KLHL11: variants seen among roughly 807,000 people sequenced by gnomAD.
The protein encoded by KLHL11 is kelch-like protein 11.
In KLHL11, 26 loss-of-function variants were observed where a neutral mutation model predicts 56.1. That is an observed-to-expected ratio of 0.46 (90% CI 0.34 to 0.64). The LOEUF is 0.64. KLHL11 is among the 30% of genes least tolerant of loss of function. The pLI, the probability that KLHL11 is intolerant of heterozygous loss-of-function variation, is 0.01. For missense variants in KLHL11, 627 were observed against 919.4 expected, an observed-to-expected ratio of 0.68 and a Z score of 4.11; for synonymous variants, 338 against 345.8, an observed-to-expected ratio of 0.98 and a Z score of 0.25.
At chr17:41,859,609 C>T (rs941991694) in intron 1 of KLHL11, among the ~76,000 whole-genome samples, 31 of 151,806 alleles carry the variant, frequency 2.0e-4, no homozygotes, top group African/African-American at 6.5e-4. Flanking sequence ...ATTAGCTGGG[C>T]GTGGTGGCGT....
In KLHL11 at chr17:41,865,377, G is replaced by T. The variant is rs1226528409; in HGVS notation, c.-7C>A. 32 of 1,396,252 alleles carry T rather than the reference G, an allele frequency of 2.3e-5. No individual in the cohort carries two copies. Among genetic ancestry groups the T allele is most frequent in the Non-Finnish European group, 3.0e-5 (32 of 1,074,592 alleles). The allele number at this position is 1,396,252 out of a possible 1,614,324, so 86.5% of individuals were successfully genotyped here. A position where few individuals can be genotyped will look rare whatever the true frequency, so the allele number is the denominator to read the frequency against. On this transcript the variant is annotated 5_prime_UTR_variant, in exon 1 of 2. Coordinates refer to ENST00000319121, the MANE Select transcript of KLHL11 (RefSeq NM_018143.3). ...CCACTGCCGCAGCCGCCATCTTGAC[G>T]CCGCTGCGCCCGGCCTCCACAGCCT...
rs782455659 is a variant in KLHL11, at chr17:41,865,217, G to A, written c.154C>T (p.Pro52Ser). 8 of 1,603,182 alleles carry A rather than the reference G, an allele frequency of 5.0e-6. No homozygotes were observed. The highest frequency in any genetic ancestry group is 6.8e-6 in the Non-Finnish European group (8 of 1,176,526). The part of the protein sequence containing the change: ...GSGTVDFGPG[P>S]GISAMEASGG... ...CTCGCCTCCATTGCAGAGATCCCCGGCCCAGGCCCGAAGTCCACCGTGCCG... is the reference window on the plus strand; with the variant it reads ...CTCGCCTCCATTGCAGAGATCCCCGACCCAGGCCCGAAGTCCACCGTGCCG... Residue 52 changes from proline (P) to serine (S), a missense_variant, in exon 1 of 2, where the codon CCG becomes TCG. Physicochemically the swap from Pro to Ser is moderately conservative, Grantham distance 74. This residue lies in a region of KLHL11 where 121 missense variants were observed against 116.2 expected (regional missense o/e 1.04). Coordinates refer to ENST00000319121, the MANE Select transcript of KLHL11 (RefSeq NM_018143.3).
At position 41,865,057 on chromosome 17, in the gene KLHL11, C is replaced by T. The variant is rs782802713; in HGVS notation, c.314G>A (p.Gly105Asp). Residue 105 changes from glycine to aspartate, a missense_variant, in exon 1 of 2, where the codon GGC becomes GAC. Physicochemically the swap from Gly to Asp is moderately conservative, Grantham distance 94. Coordinates refer to ENST00000319121, the MANE Select transcript of KLHL11 (RefSeq NM_018143.3). The part of the protein sequence containing the change: ...DITLCFGGAG[G>D]REFRAHRSVL... ...CGAGCGGTGGGCCCGGAACTCGCGGCCTCCAGCCCCGCCGAAGCACAGGGT... is the reference window on the plus strand; with the variant it reads ...CGAGCGGTGGGCCCGGAACTCGCGGTCTCCAGCCCCGCCGAAGCACAGGGT... 5 of 1,589,792 alleles carry T rather than the reference C, an allele frequency of 3.1e-6. No individual in the cohort carries two copies. In the Admixed American group the frequency reaches 8.7e-5, roughly 28 times the overall value.
chr17:41,853,965 A>T lies in KLHL11; in HGVS notation c.1902T>A (p.Tyr634Ter). 1 of 1,614,158 alleles carries T rather than the reference A, an allele frequency of 6.2e-7. No homozygotes were observed. The highest frequency in any genetic ancestry group is 8.5e-7 in the Non-Finnish European group (1 of 1,179,998). ...DKQYRKEAYRYCAERKRWMLL... is the reference protein window; with the variant it reads ...DKQYRKEAYR Reference sequence around the variant, plus strand: ...GCATCCACCTCTTCCTCTCCGCACAATATCGGTAGGCTTCTTTCCGATACT... The same window carrying T: ...GCATCCACCTCTTCCTCTCCGCACATTATCGGTAGGCTTCTTTCCGATACT... The change falls in exon 2 of 2, where the codon TAT becomes TAA. Residue 634 changes from tyrosine (Y) to a stop codon, truncating the protein, a stop_gained. Transcript: ENST00000319121. LOFTEE classifies it high-confidence loss of function.
Position 41,865,175 on chromosome 17 carries a change from G to A in KLHL11, c.196C>T (p.Pro66Ser). The change falls in exon 1 of 2, where the codon CCA (proline) becomes TCA (serine). Residue 66 changes from proline (P) to serine (S), a missense_variant. By Grantham distance (74) the Pro-to-Ser change is moderately conservative (BLOSUM62 -1). This residue lies in a region of KLHL11 where 121 missense variants were observed against 116.2 expected (regional missense o/e 1.04). Coordinates refer to ENST00000319121, the MANE Select transcript of KLHL11 (RefSeq NM_018143.3). ...CTGCACTCGAAATCCTCGGCTTCTG[G>A]GCCCGGATCGCCCCCGCTCGCCTCC... ...AMEASGGDPG[P>S]EAEDFECSSH... 1 of 1,610,192 alleles carries A rather than the reference G, an allele frequency of 6.2e-7. No individual in the cohort carries two copies. The highest frequency in any genetic ancestry group is 8.5e-7 in the Non-Finnish European group (1 of 1,178,998).
Position 41,849,611 on chromosome 17 carries a change from A to T in KLHL11, c.*4129T>A, listed in dbSNP as rs1555621873. On this transcript the variant is annotated 3_prime_UTR_variant, in exon 2 of 2. Coordinates refer to ENST00000319121, the MANE Select transcript of KLHL11 (RefSeq NM_018143.3). ...TAAATTTTTTGGTCCCAGAAATACT[A>T]TATAAAACCGGGTGATCAAAACAAA... The T allele has an allele frequency of 6.6e-6, 1 of 152,218 alleles. No individual in the cohort carries two copies. The highest frequency in any genetic ancestry group is 2.4e-5 in the African/African-American group (1 of 41,464). 9.4% of individuals were successfully genotyped at this position (152,218 alleles called of 1,614,324 possible). A position where few individuals can be genotyped will look rare whatever the true frequency, so the allele number is the denominator to read the frequency against.
intron 1 of KLHL11, among the ~76,000 whole-genome samples, chr17:41,862,269 GTATT>G (rs1173144639): frequency 7.0e-6 from 1 of 143,054 alleles, no homozygotes; most frequent in Non-Finnish European, 1.5e-5. Context: ...TTGTATTTTT[GTATT>G]TATTTATTTT....
At position 41,848,788 on chromosome 17, in the gene KLHL11, G is replaced by A. The variant is rs531452271; in HGVS notation, c.*4952C>T. The A allele has an allele frequency of 4.1e-4, 65 of 157,964 alleles. No individual in the cohort carries two copies. The highest frequency in any genetic ancestry group is 1.7e-4 in the Non-Finnish European group (12 of 71,094). The allele number at this position is 157,964 out of a possible 1,614,324, so 9.8% of individuals were successfully genotyped here. On this transcript the variant is annotated 3_prime_UTR_variant, in exon 2 of 2. Transcript: ENST00000319121. The stretch of plus-strand genomic sequence containing the variant: ...AATAACTCAACGAGCCCAAGCACAC[G>A]GATCATAAAATCTTCAAACACCTAG...
At position 41,864,858 on chromosome 17, in the gene KLHL11, G is replaced by A. The variant is rs1555623375; in HGVS notation, c.513C>T (p.Gly171=). ...MYTGRIRVST[G]SVHEVLELAD... ...CCAACTCCAGCACCTCGTGCACGCT[G>A]CCCGTGCTGACGCGGATGCGCCCGG... is the stretch of plus-strand genomic sequence containing the variant. Residue 171 remains glycine (G), a synonymous_variant, in exon 1 of 2, where the codon GGC becomes GGT. Transcript: ENST00000319121. 1.9e-6 allele frequency: 3 copies of A among 1,560,132 alleles called. No individual in the cohort carries two copies. Among genetic ancestry groups the A allele is most frequent in the Non-Finnish European group, 2.6e-6 (3 of 1,149,544 alleles).
intron 1 of KLHL11, among the ~76,000 whole-genome samples, chr17:41,856,388 T>G (rs2144155834): frequency 6.6e-6 from 1 of 151,688 alleles, no homozygotes; most frequent in South Asian, 2.1e-4. Context: ...GCAATCCTCC[T>G]GCCTCTGCTT....
chr17:41,856,005 C>A (rs1418612668), intron 1 of KLHL11, among the ~76,000 whole-genome samples: 2 of 143,392 alleles, frequency 1.4e-5, no homozygotes, highest in African/African-American at 5.2e-5. Context: ...AAAAAAACTC[C>A]AAAAAAACAG....
chr17:41,859,289 T>A (rs2048387934), intron 1 of KLHL11, among the ~76,000 whole-genome samples: 1 of 151,800 alleles, frequency 6.6e-6, no homozygotes, highest in Non-Finnish European at 1.5e-5. Context: ...TCAGGCCAGG[T>A]GCAGTGGCTC....
intron 1 of KLHL11, among the ~76,000 whole-genome samples, chr17:41,856,952 A>G (rs1555622612): frequency 6.6e-6 from 1 of 151,930 alleles, no homozygotes. Flanking sequence ...TCTGGGAGGC[A>G]GAGGTTATAG....
chr17:41,856,599 A>G (rs2048368041), intron 1 of KLHL11, among the ~76,000 whole-genome samples: 1 of 152,244 alleles, frequency 6.6e-6, no homozygotes, highest in African/African-American at 2.4e-5. Flanking sequence ...TATGTTTAAA[A>G]GCACATATAC....
intron 1 of KLHL11, among the ~76,000 whole-genome samples, chr17:41,858,408 TTTGTTGTTG>T (rs1172871961): frequency 6.3e-5 from 9 of 143,960 alleles, no homozygotes; most frequent in African/African-American, 2.1e-4. Flanking sequence ...ATATATATTT[TTTGTTGTTG>T]TTGTTGTTGT....
intron 1 of KLHL11, among the ~76,000 whole-genome samples, chr17:41,863,003 C>T (rs1176863785): frequency 6.6e-6 from 1 of 151,996 alleles, no homozygotes; most frequent in Non-Finnish European, 1.5e-5. Context: ...CCTTATACCC[C>T]ACGTCAAATC....
rs1555622108 is a variant in KLHL11, at chr17:41,852,727, G to A, written c.*1013C>T. Among the ~76,000 whole-genome samples, 2 of 149,376 alleles carry A rather than the reference G, an allele frequency of 1.3e-5. No individual in the cohort carries two copies. The highest frequency in any genetic ancestry group is 1.5e-5 in the Non-Finnish European group (1 of 67,688). ...AATCACTCGAACCTGGCAGGCAGAG[G>A]TTGCAGTGAGCCGAGATTGCACCAC... On this transcript the variant is annotated 3_prime_UTR_variant, in exon 2 of 2. Transcript: ENST00000319121.
chr17:41,860,315 C>A (rs1475984784), intron 1 of KLHL11, among the ~76,000 whole-genome samples: 7 of 147,538 alleles, frequency 4.7e-5, no homozygotes, highest in Non-Finnish European at 8.9e-5. Context: ...GGGCATTGTG[C>A]ACATCCTATT....
In KLHL11 at chr17:41,854,636, C is replaced by T; in HGVS notation, c.1231G>A (p.Val411Ile). 2 of 1,614,178 alleles carry T rather than the reference C, an allele frequency of 1.2e-6. No homozygotes were observed. The highest frequency in any genetic ancestry group is 2.2e-5 in the East Asian group (1 of 44,894). ...AVAVTESYVY[V>I]AGSMEPGFAK... ...AACCCTGGCTCCATTGATCCAGCAA[C>T]ATACACGTAGGATTCTGTTACTGCA... Residue 411 changes from valine (V) to isoleucine (I), a missense_variant, in exon 2 of 2, where the codon GTT (valine) becomes ATT (isoleucine). Physicochemically the swap from Val to Ile is conservative, Grantham distance 29. Coordinates refer to ENST00000319121, the MANE Select transcript of KLHL11 (RefSeq NM_018143.3). The surrounding 1 kb of genome is among the most constrained non-coding windows in gnomAD (Gnocchi z 4.9).
Sources: allele counts gnomAD v4.1 joint callset (sites outside exome capture counted in the v4.1 genomes callset), GRCh38; gene constraint gnomAD v4.1.1; regional missense constraint gnomAD v4.1.1; non-coding constraint Gnocchi (gnomAD v3.1); transcripts MANE v1.5; gene names NCBI Gene and HGNC (gene_info 2026-07-23, HGNC 2026-07-21).